CADM3: variants seen among roughly 807,000 people sequenced by gnomAD.
CADM3 encodes the protein TSLC1-like 1.
In CADM3, 11 loss-of-function variants were observed where a neutral mutation model predicts 44.9. That is an observed-to-expected ratio of 0.25 (90% CI 0.15 to 0.41). The LOEUF (loss-of-function observed/expected upper bound fraction) is 0.41, where lower values mean the gene tolerates loss of function less well. CADM3 is among the 10% of genes least tolerant of loss of function. CADM3 has a pLI of 1.00. For missense variants in CADM3, 426 were observed against 512.0 expected (o/e 0.83, Z 1.62); for synonymous variants, 207 against 205.2 (o/e 1.01, Z -0.08).
Position 159,171,834 on chromosome 1 carries a change from G to A in CADM3, c.69G>A (p.Gly23=), listed in dbSNP as rs111767231. 1,962 of 1,245,398 alleles carry A rather than the reference G, an allele frequency of 1.6e-3. 32 individuals are homozygous for A. In the African/African-American group the frequency reaches 0.026, roughly 16 times the overall value. 77.1% of individuals were successfully genotyped at this position (1,245,398 alleles called of 1,614,324 possible). A position where few individuals can be genotyped will look rare whatever the true frequency, so the allele number is the denominator to read the frequency against. The change falls in exon 1 of 9, where the codon GGG becomes GGA. Residue 23 remains glycine (G), a synonymous_variant. Transcript: ENST00000368125. ...LLFACCWAPG[G]ANLSQDDSQP... ...TCGCCTGCTGCTGGGCGCCCGGCGG[G>A]GCCAACCTCTCCCAGGACGGTGAGT... is the stretch of plus-strand genomic sequence containing the variant.
At chr1:159,198,670 C>A (rs1307448951) in intron 7 of CADM3, among the ~76,000 whole-genome samples, 2 of 152,148 alleles carry the variant, frequency 1.3e-5, no homozygotes, top group African/African-American at 4.8e-5. Flanking sequence ...TGGAAAACAG[C>A]AGCTCTCCCA....
rs888060211 is a variant in CADM3 at position 159,192,622 on chromosome 1, G to A, written c.274G>A (p.Glu92Lys). The A allele has an allele frequency of 3.1e-6, 5 of 1,614,082 alleles. No homozygotes were observed. Among genetic ancestry groups the A allele is most frequent in the Non-Finnish European group, 4.2e-6 (5 of 1,180,022 alleles). The change falls in exon 3 of 9, where the codon GAG becomes AAG. Residue 92 changes from glutamate to lysine, a missense_variant. Physicochemically the swap from Glu to Lys is moderately conservative, Grantham distance 56. This residue lies in a region of CADM3 where 362 missense variants were observed against 474.6 expected (regional missense o/e 0.76). Transcript: ENST00000368125. ...TCAGCTGGTTACCTCTACGCCCCAC[G>A]AGCTCAGCATCAGCATCAGCAATGT... Reference protein sequence around the residue: ...RIQLVTSTPHELSISISNVAL... With the variant: ...RIQLVTSTPHKLSISISNVAL...
chr1:159,180,322 T>G (rs917082055), intron 1 of CADM3, among the ~76,000 whole-genome samples: 1 of 152,164 alleles, frequency 6.6e-6, no homozygotes, highest in African/African-American at 2.4e-5. Flanking sequence ...GTCTTGTGTG[T>G]GTGTATTGAG....
chr1:159,177,552 C>A (rs1419887459), intron 1 of CADM3, among the ~76,000 whole-genome samples: 1 of 152,134 alleles, frequency 6.6e-6, no homozygotes, highest in Non-Finnish European at 1.5e-5. Context: ...CCTTATTCTC[C>A]ACAGTGCAGT....
intron 1 of CADM3, among the ~76,000 whole-genome samples, chr1:159,188,655 G>T (rs1034784780): frequency 2.0e-5 from 3 of 152,140 alleles, no homozygotes; most frequent in Non-Finnish European, 2.9e-5. Flanking sequence ...ACTTCGGGGC[G>T]CTGCGGCGGG....
At chr1:159,194,825 C>G (rs1193184784) in intron 5 of CADM3, 2 of 152,108 alleles carry the variant, frequency 1.3e-5, no homozygotes, top group Non-Finnish European at 2.9e-5. Context: ...ATGGTTAGGA[C>G]ACTTCTGAGG....
At chr1:159,175,926 C>T (rs1317991830) in intron 1 of CADM3, among the ~76,000 whole-genome samples, 1 of 152,176 alleles carries the variant, frequency 6.6e-6, no homozygotes, top group East Asian at 1.9e-4. Flanking sequence ...TTTGGTACTT[C>T]TTGATGTTAC....
In CADM3 at chr1:159,171,823, G is replaced by T; in HGVS notation, c.58G>T (p.Ala20Ser). ...LLLLLFACCW[A>S]PGGANLSQDD... ...GCTCCTGCTGTTCGCCTGCTGCTGG[G>T]CGCCCGGCGGGGCCAACCTCTCCCA... Residue 20 changes from alanine to serine, a missense_variant, in exon 1 of 9, where the codon GCG becomes TCG. Ala to Ser is a moderately conservative substitution (Grantham distance 99, BLOSUM62 1). This residue lies in a region of CADM3 where 64 missense variants were observed against 37.4 expected (regional missense o/e 1.71). Transcript: ENST00000368125. The T allele has an allele frequency of 1.6e-6, 2 of 1,246,016 alleles. No individual in the cohort carries two copies. Among genetic ancestry groups the T allele is most frequent in the Non-Finnish European group, 2.0e-6 (2 of 993,824 alleles). 77.2% of individuals were successfully genotyped at this position (1,246,016 alleles called of 1,614,324 possible).
chr1:159,176,094 G>A (rs1333764514), intron 1 of CADM3, among the ~76,000 whole-genome samples: 37 of 152,112 alleles, frequency 2.4e-4, no homozygotes, highest in Admixed American at 2.4e-3. Context: ...CTGCATACTG[G>A]CTCAACAATC....
chr1:159,180,281 C>A (rs879311359), intron 1 of CADM3, among the ~76,000 whole-genome samples: 11 of 152,162 alleles, frequency 7.2e-5, no homozygotes, highest in South Asian at 2.1e-4. Flanking sequence ...CAGAAAAAAA[C>A]CCCAGAAATA....
chr1:159,180,273 G>GA (rs1028552651), intron 1 of CADM3, among the ~76,000 whole-genome samples: 7 of 152,078 alleles, frequency 4.6e-5, no homozygotes, highest in African/African-American at 9.7e-5. Context: ...GTTCATGTCA[G>GA]AAAAAAACCC....
chr1:159,200,853 G>A lies in CADM3; in HGVS notation c.1128G>A (p.Ala376=), dbSNP rs754449030. ...AAGGCTCCGACGATGCTCCAGACGC[G>A]GACACGGCCATCATCAATGCAGAAG... ...EAKGSDDAPD[A]DTAIINAEGG... Residue 376 remains alanine (A), a synonymous_variant, in exon 9 of 9, where the codon GCG becomes GCA. Transcript: ENST00000368125. 1.1e-5 allele frequency: 18 copies of A among 1,611,294 alleles called. No homozygotes were observed. Among genetic ancestry groups the A allele is most frequent in the East Asian group, 9.0e-5 (4 of 44,594 alleles).
chr1:159,196,091 A>G (rs1417615214), intron 5 of CADM3: 2 of 394,974 alleles, frequency 5.1e-6, no homozygotes, highest in Non-Finnish European at 9.3e-6. Context: ...TAAACCACTC[A>G]TTTCCCTTCT....
chr1:159,197,066 CCCT>C lies in CADM3; in HGVS notation c.952+11_952+13del. The C allele has an allele frequency of 6.2e-7, 1 of 1,613,232 alleles. No homozygotes were observed. Among genetic ancestry groups the C allele is most frequent in the South Asian group, 1.1e-5 (1 of 91,042 alleles). On this transcript the variant is annotated splice_region_variant and intron_variant, in intron 7 of 8. Coordinates refer to ENST00000368125, the MANE Select transcript of CADM3 (RefSeq NM_001127173.3). ...CTACACCCTCAATGTTAATGGTAAG[CCCT>C]CCTCAGTTCTCTTCCTCCAGAATCT...
At chr1:159,192,150 C>T in intron 2 of CADM3, 74 bp downstream of exon 2, 2 of 1,488,228 alleles carry the variant, frequency 1.3e-6, no homozygotes, top group South Asian at 1.2e-5. Context: ...CCGAGGGGAA[C>T]TGTTCCTGTC....
chr1:159,176,493 G>A (rs1026274031), intron 1 of CADM3, among the ~76,000 whole-genome samples: 1 of 152,164 alleles, frequency 6.6e-6, no homozygotes, highest in Admixed American at 6.5e-5. Flanking sequence ...CTAAGAACTT[G>A]CTCCGATTAA....
At chr1:159,174,765 G>A (rs1339607455) in intron 1 of CADM3, among the ~76,000 whole-genome samples, 1 of 152,150 alleles carries the variant, frequency 6.6e-6, no homozygotes, top group Non-Finnish European at 1.5e-5. Flanking sequence ...TTTCACAGTG[G>A]TTGACAATTC....
Position 159,171,719 on chromosome 1 carries a change from G to A in CADM3, c.-47G>A. 2.5e-6 allele frequency: 3 copies of A among 1,210,854 alleles called. No individual in the cohort carries two copies. The highest frequency in any genetic ancestry group is 3.1e-6 in the Non-Finnish European group (3 of 968,850). 75.0% of individuals were successfully genotyped at this position (1,210,854 alleles called of 1,614,324 possible). A position where few individuals can be genotyped will look rare whatever the true frequency, so the allele number is the denominator to read the frequency against. The stretch of plus-strand genomic sequence containing the variant: ...CCCCTCCCCATCCCCAGCCCCCGGG[G>A]ATTCAGGCTCGCCAGCGCCCAGCCA... On this transcript the variant is annotated 5_prime_UTR_variant, in exon 1 of 9. Coordinates refer to ENST00000368125, the MANE Select transcript of CADM3 (RefSeq NM_001127173.3).
chr1:159,178,936 C>A (rs1327800703), intron 1 of CADM3, among the ~76,000 whole-genome samples: 1 of 152,170 alleles, frequency 6.6e-6, no homozygotes, highest in African/African-American at 2.4e-5. Context: ...GTTGGAGAGG[C>A]AGGCTTCCAG....
Sources: allele counts gnomAD v4.1 joint callset (sites outside exome capture counted in the v4.1 genomes callset), GRCh38; gene constraint gnomAD v4.1.1; regional missense constraint gnomAD v4.1.1; transcripts MANE v1.5; gene names NCBI Gene and HGNC (gene_info 2026-07-23, HGNC 2026-07-21).